Variants in ADAMTSL1 observed in about 807,000 individuals in gnomAD.
The protein encoded by ADAMTSL1 is ADAMTS like 1, also known as ADAMTS-like protein 1.
In ADAMTSL1, 126 loss-of-function variants were observed where a neutral mutation model predicts 201.8. That is an observed-to-expected ratio of 0.62 (90% confidence interval 0.54 to 0.72). The LOEUF is 0.72. ADAMTSL1 is among the 30% of genes least tolerant of loss of function. The pLI, the probability that ADAMTSL1 is intolerant of heterozygous loss-of-function variation, is 0.00. For synonymous variants in ADAMTSL1, 1,121 were observed against 903.4 expected, an observed-to-expected ratio of 1.24 and a Z score of -4.32; for missense variants, 2,679 against 2,277.8, an observed-to-expected ratio of 1.18 and a Z score of -3.59.
intron 2 of ADAMTSL1, among the ~76,000 whole-genome samples, chr9:18,381,015 T>C (rs1396668922): frequency 1.3e-5 from 2 of 152,190 alleles, no homozygotes; most frequent in Non-Finnish European, 2.9e-5. Context: ...TCCCAGAAGG[T>C]GTGCTAGAAT....
chr9:17,975,107 G>C (rs1436033104), intron 1 of ADAMTSL1, among the ~76,000 whole-genome samples: 1 of 151,940 alleles, frequency 6.6e-6, no homozygotes, highest in Non-Finnish European at 1.5e-5. Flanking sequence ...GTATTTCACA[G>C]AAAGTCGTGA....
At chr9:18,746,517 A>G (rs1486007117) in intron 15 of ADAMTSL1, among the ~76,000 whole-genome samples, 1 of 152,226 alleles carries the variant, frequency 6.6e-6, no homozygotes, top group African/African-American at 2.4e-5. Context: ...TCAGTTTACA[A>G]TAACTTCAGT....
At chr9:17,929,085 C>T (rs1245603870) in intron 1 of ADAMTSL1, among the ~76,000 whole-genome samples, 1 of 151,872 alleles carries the variant, frequency 6.6e-6, no homozygotes, top group Non-Finnish European at 1.5e-5. Context: ...GCCAATTAAC[C>T]ATAATTTTAA....
rs541501968 is a variant in ADAMTSL1, at chr9:18,131,181, T to A, written c.88-32681T>A. Among the ~76,000 whole-genome samples the A allele has an allele frequency of 7.2e-4, 110 of 152,350 alleles. 1 individual carries two copies. Among genetic ancestry groups the A allele is most frequent in the Middle Eastern group, 3.4e-3 (1 of 294 alleles). On this transcript the variant is annotated intron_variant, in intron 1 of 29. Coordinates refer to the ADAMTSL1 transcript ENST00000680146. ...AAGTCTTGGTGTCATTGGCTATCTT[T>A]GGGTCTTACTTATTTTGAGTAAGTT...
chr9:18,791,152 C>G (rs150929890), intron 19 of ADAMTSL1, among the ~76,000 whole-genome samples: 30 of 152,326 alleles, frequency 2.0e-4, no homozygotes, highest in African/African-American at 7.2e-4. Context: ...CCAGGAATCT[C>G]TCTCTCTAGT....
At chr9:18,476,080 G>A (rs1448504632) in intron 1 of ADAMTSL1, among the ~76,000 whole-genome samples, 1 of 151,970 alleles carries the variant, frequency 6.6e-6, no homozygotes, top group Non-Finnish European at 1.5e-5. Context: ...AACAAACCTA[G>A]GTTTGTTTTA....
intron 1 of ADAMTSL1, among the ~76,000 whole-genome samples, chr9:18,102,311 A>G (rs1824564989): frequency 6.6e-6 from 1 of 152,040 alleles, no homozygotes; most frequent in East Asian, 1.9e-4. Flanking sequence ...GTGTTTGTCT[A>G]TGTGCTTAAT....
chr9:18,645,489 C>G (rs918338412), intron 7 of ADAMTSL1, among the ~76,000 whole-genome samples: 2 of 150,642 alleles, frequency 1.3e-5, no homozygotes, highest in Non-Finnish European at 3.0e-5. Flanking sequence ...ATGGTAATGC[C>G]TAGGTTTTCC....
intron 2 of ADAMTSL1, among the ~76,000 whole-genome samples, chr9:18,246,612 A>G (rs899015840): frequency 1.3e-5 from 2 of 152,162 alleles, no homozygotes; most frequent in Non-Finnish European, 2.9e-5. Flanking sequence ...AGTATCTGCT[A>G]TTTCACCCTT....
chr9:18,376,140 C>T (rs1241294764), intron 2 of ADAMTSL1, among the ~76,000 whole-genome samples: 3 of 152,206 alleles, frequency 2.0e-5, no homozygotes, highest in Non-Finnish European at 2.9e-5. Flanking sequence ...ACTTCCCATG[C>T]AGTAAATAAT....
chr9:18,868,766 C>T (rs1017122885), intron 23 of ADAMTSL1, among the ~76,000 whole-genome samples: 2 of 152,182 alleles, frequency 1.3e-5, no homozygotes, highest in Admixed American at 6.5e-5. Flanking sequence ...CTGTGTAGCA[C>T]CCTCAACTCC....
chr9:18,688,020 A>AT (rs1387382099), intron 13 of ADAMTSL1, among the ~76,000 whole-genome samples: 1 of 151,442 alleles, frequency 6.6e-6, no homozygotes, highest in Admixed American at 6.6e-5. Context: ...CTACATGTTG[A>AT]TTTTTTTTCC....
intron 15 of ADAMTSL1, among the ~76,000 whole-genome samples, chr9:18,743,884 G>T (rs1044722138): frequency 6.6e-6 from 1 of 152,142 alleles, no homozygotes; most frequent in Non-Finnish European, 1.5e-5. Flanking sequence ...ATCCATCTGT[G>T]ATCGCTGGGT....
At chr9:18,616,703 C>T (rs575334559) in intron 4 of ADAMTSL1, among the ~76,000 whole-genome samples, 25 of 152,252 alleles carry the variant, frequency 1.6e-4, no homozygotes, top group East Asian at 1.4e-3. Flanking sequence ...CTGTACAGGA[C>T]GGCATAGTGT....
At chr9:17,913,073 G>A (rs1026016056) in intron 1 of ADAMTSL1, among the ~76,000 whole-genome samples, 2 of 152,156 alleles carry the variant, frequency 1.3e-5, no homozygotes, top group African/African-American at 4.8e-5. Flanking sequence ...TTTGGTACCA[G>A]TACCATGCTG....
chr9:17,954,993 G>A (rs954918957), intron 1 of ADAMTSL1, among the ~76,000 whole-genome samples: 2 of 152,126 alleles, frequency 1.3e-5, no homozygotes, highest in African/African-American at 4.8e-5. Flanking sequence ...TTGCAAGATA[G>A]GAGTTAAGTG....
chr9:18,267,185 T>G (rs1832151397), intron 2 of ADAMTSL1, among the ~76,000 whole-genome samples: 1 of 152,206 alleles, frequency 6.6e-6, no homozygotes, highest in African/African-American at 2.4e-5. Context: ...TTGAATCATG[T>G]CCGGACTCCC....
rs1467885849 is a variant in ADAMTSL1 at position 18,316,671 on chromosome 9, C to T, written c.207+152690C>T. ...ATTTCATATTGCTCAAACACACATG[C>T]TGTACAATTTATGCAGTTAATGCAA... On this transcript the variant is annotated intron_variant, in intron 2 of 29. Transcript: ENST00000680146. Among the ~76,000 whole-genome samples the T allele has an allele frequency of 3.3e-5, 5 of 152,138 alleles. No individual in the cohort carries two copies. The East Asian group carries it at 9.7e-4, about 29-fold the overall frequency.
In ADAMTSL1 at chr9:18,574,101, C is replaced by T. The variant is rs748973903; in HGVS notation, c.309C>T (p.Gly103=). Residue 103 remains glycine (G), a synonymous_variant, in exon 4 of 29, where the codon GGC becomes GGT. Transcript: ENST00000380548. ...CTCATAATGATGTCAAGCACCATGG[C>T]CAGTTTTATGAATGGCTTCCTGTGT... ...CSAHNDVKHH[G]QFYEWLPVSN... The T allele has an allele frequency of 1.2e-6, 2 of 1,614,096 alleles. No individual in the cohort carries two copies.
Sources: allele counts gnomAD v4.1 joint callset (sites outside exome capture counted in the v4.1 genomes callset), GRCh38; gene constraint gnomAD v4.1.1; transcripts MANE v1.5; gene names NCBI Gene and HGNC (gene_info 2026-07-23, HGNC 2026-07-21).